The following CTNNA3 variants were observed in gnomAD, a reference collection of about 807,000 sequenced individuals.
The protein encoded by CTNNA3 is catenin alpha-3.
In CTNNA3, 76 loss-of-function variants were observed where a neutral mutation model predicts 95.7. That is an observed-to-expected ratio of 0.79 (90% CI 0.66 to 0.96). The LOEUF (loss-of-function observed/expected upper bound fraction) is 0.96. CTNNA3 is among the 40% of genes least tolerant of loss of function. The pLI, the probability that CTNNA3 is intolerant of heterozygous loss-of-function variation, is 0.00. For synonymous variants in CTNNA3, 431 were observed against 374.4 expected, an observed-to-expected ratio of 1.15 and a Z score of -1.74; for missense variants, 1,191 against 1,089.8, an observed-to-expected ratio of 1.09 and a Z score of -1.31.
intron 4 of CTNNA3, among the ~76,000 whole-genome samples, chr10:67,532,814 C>T (rs1009789240): frequency 4.6e-5 from 7 of 152,104 alleles, no homozygotes; most frequent in South Asian, 2.1e-4. Context: ...TCAAGGTATT[C>T]GGAATAAGTT....
At chr10:66,210,602 T>C (rs1178982711) in intron 13 of CTNNA3, among the ~76,000 whole-genome samples, 1 of 152,180 alleles carries the variant, frequency 6.6e-6, no homozygotes, top group Non-Finnish European at 1.5e-5. Context: ...TACATTTAGG[T>C]ACACTCTTAC....
chr10:67,548,227 G>A (rs1395260090), intron 3 of CTNNA3, among the ~76,000 whole-genome samples: 1 of 152,106 alleles, frequency 6.6e-6, no homozygotes, highest in Non-Finnish European at 1.5e-5. Context: ...GACAATGCTA[G>A]CTCCCCCTTT....
intron 9 of CTNNA3, among the ~76,000 whole-genome samples, chr10:66,720,402 T>C (rs1848589593): frequency 6.6e-6 from 1 of 152,198 alleles, no homozygotes; most frequent in South Asian, 2.1e-4. Flanking sequence ...TCCTTTCATT[T>C]GCAACAAGTT....
chr10:66,722,195 G>A (rs1848649285), intron 9 of CTNNA3, among the ~76,000 whole-genome samples: 1 of 152,024 alleles, frequency 6.6e-6, no homozygotes, highest in South Asian at 2.1e-4. Context: ...TGGCTAACAT[G>A]GTGAAACCCC....
chr10:67,718,723 T>A (rs2133617236), intron 1 of CTNNA3, among the ~76,000 whole-genome samples: 1 of 152,332 alleles, frequency 6.6e-6, no homozygotes, highest in South Asian at 2.1e-4. Flanking sequence ...TATTGAGGGT[T>A]TTCGCATCGA....
chr10:66,496,311 A>T (rs374544366), intron 11 of CTNNA3, among the ~76,000 whole-genome samples: 1 of 150,002 alleles, frequency 6.7e-6, no homozygotes, highest in African/African-American at 2.5e-5. Context: ...TGACTGAACT[A>T]TTGGGTACAC....
intron 6 of CTNNA3, among the ~76,000 whole-genome samples, chr10:67,194,964 T>C (rs1398881177): frequency 6.6e-5 from 10 of 152,014 alleles, no homozygotes; most frequent in Non-Finnish European, 1.5e-5. Context: ...TTTTATTTAA[T>C]ACTAATATTC....
intron 11 of CTNNA3, among the ~76,000 whole-genome samples, chr10:66,501,056 C>A (rs1328611969): frequency 2.0e-5 from 3 of 152,210 alleles, no homozygotes; most frequent in East Asian, 3.9e-4. Context: ...ACAGAGAAAA[C>A]AAGCATTTGC....
intron 7 of CTNNA3, among the ~76,000 whole-genome samples, chr10:67,091,771 G>T (rs1301765841): frequency 6.6e-6 from 1 of 151,992 alleles, no homozygotes; most frequent in Non-Finnish European, 1.5e-5. Context: ...AAGAGACAGG[G>T]AGTCAAAGTA....
At position 66,165,352 on chromosome 10, in the gene CTNNA3, T is replaced by C. The variant is rs2085071520; in HGVS notation, c.1885-62103A>G. Among the ~76,000 whole-genome samples the C allele has an allele frequency of 2.0e-5, 3 of 152,066 alleles. No individual in the cohort carries two copies. In the South Asian group the frequency reaches 6.2e-4, roughly 32 times the overall value. ...GAACAAGGAATGAAAAACTAATTATTGGGCACCATACTCACTACCTGGGTG... is the reference window on the plus strand; with the variant it reads ...GAACAAGGAATGAAAAACTAATTATCGGGCACCATACTCACTACCTGGGTG... On this transcript the variant is annotated intron_variant, in intron 13 of 17. Coordinates refer to ENST00000433211, the MANE Select transcript of CTNNA3 (RefSeq NM_013266.4).
At chr10:67,161,621 CAG>C (rs1365306338) in intron 7 of CTNNA3, among the ~76,000 whole-genome samples, 3 of 151,618 alleles carry the variant, frequency 2.0e-5, no homozygotes, top group Non-Finnish European at 4.4e-5. Context: ...AAATTAAAAA[CAG>C]AGGGAACAAA....
At chr10:65,983,616 C>T (rs572201663) in intron 16 of CTNNA3, among the ~76,000 whole-genome samples, 48 of 151,436 alleles carry the variant, frequency 3.2e-4, no homozygotes, top group African/African-American at 1.1e-3. Context: ...TTGTTTTATA[C>T]AAGGATACTG....
chr10:66,966,870 T>C (rs1849445554), intron 7 of CTNNA3, among the ~76,000 whole-genome samples: 1 of 152,082 alleles, frequency 6.6e-6, no homozygotes, highest in Admixed American at 6.5e-5. Context: ...ATTTAAGACA[T>C]GTTTAGTAGC....
intron 9 of CTNNA3, among the ~76,000 whole-genome samples, chr10:66,724,305 C>T (rs143257474): frequency 7.6e-4 from 116 of 152,274 alleles, no homozygotes; most frequent in African/African-American, 2.6e-3. Context: ...ACCAGGAAGT[C>T]CTCACAAGAT....
chr10:67,181,760 C>A (rs568979098), intron 6 of CTNNA3, among the ~76,000 whole-genome samples: 1 of 151,818 alleles, frequency 6.6e-6, no homozygotes, highest in South Asian at 2.1e-4. Context: ...AGCCAGGATA[C>A]AATTTTAAAA....
intron 3 of CTNNA3, among the ~76,000 whole-genome samples, chr10:67,567,631 GAATGTGCAGTCT>G (rs1345977068): frequency 2.0e-5 from 3 of 152,080 alleles, no homozygotes; most frequent in African/African-American, 7.2e-5. Flanking sequence ...TCTGGAGCTT[GAATGTGCAGTCT>G]AATGTCTATA....
intron 9 of CTNNA3, among the ~76,000 whole-genome samples, chr10:66,671,036 G>A (rs1167736810): frequency 6.6e-6 from 1 of 152,096 alleles, no homozygotes; most frequent in Non-Finnish European, 1.5e-5. Flanking sequence ...GGATTTCTTG[G>A]GAGAAGCTGT....
chr10:66,306,322 C>A (rs1376894305), intron 12 of CTNNA3, among the ~76,000 whole-genome samples: 1 of 152,172 alleles, frequency 6.6e-6, no homozygotes, highest in African/African-American at 2.4e-5. Flanking sequence ...ACTAGGTATT[C>A]AATAAGGTCC....
At chr10:66,280,762 A>C in intron 12 of CTNNA3, 141 bp from the exon 13 acceptor site, 1 of 577,018 alleles carries the variant, frequency 1.7e-6, no homozygotes, top group Non-Finnish European at 2.8e-6. Context: ...ATATAGAGAT[A>C]CACAAATTTT....
Sources: allele counts gnomAD v4.1 joint callset (sites outside exome capture counted in the v4.1 genomes callset), GRCh38; gene constraint gnomAD v4.1.1; transcripts MANE v1.5; gene names NCBI Gene and HGNC (gene_info 2026-07-23, HGNC 2026-07-21).